SPPL3: variants seen among roughly 807,000 people sequenced by gnomAD.
SPPL3 encodes signal peptide peptidase like 3.
In SPPL3, 5 loss-of-function variants were observed where a neutral mutation model predicts 42.4. The ratio of observed to expected loss-of-function variants is 0.12; its 90% confidence interval spans 0.06 to 0.25. The LOEUF (loss-of-function observed/expected upper bound fraction) is 0.25, where lower values mean the gene tolerates loss of function less well. Ranked by LOEUF, SPPL3 falls within the 10% of genes least tolerant of loss-of-function variation. The pLI is 1.00. For missense variants in SPPL3, 235 were observed against 489.0 expected (o/e 0.48, Z 4.90); for synonymous variants, 195 against 181.8 (o/e 1.07, Z -0.58).
In SPPL3 at chr12:120,763,789, G is replaced by GGATT. The variant is rs1868759514; in HGVS notation, c.*1206_*1209dup. ...GACTATAATCACAACAGCAAGGACA[G>GGATT]GATTGTGTTGCTTTTTTCCTTTTTT... On this transcript the variant is annotated 3_prime_UTR_variant, in exon 11 of 11. Transcript: ENST00000353487. The GGATT allele has an allele frequency of 7.0e-6, 1 of 142,530 alleles. No individual in the cohort carries two copies. Among genetic ancestry groups the GGATT allele is most frequent in the Non-Finnish European group, 1.5e-5 (1 of 67,082 alleles). 8.8% of individuals were successfully genotyped at this position (142,530 alleles called of 1,614,324 possible).
intron 1 of SPPL3, among the ~76,000 whole-genome samples, chr12:120,890,495 A>G (rs1873600435): frequency 6.6e-6 from 1 of 150,534 alleles, no homozygotes; most frequent in African/African-American, 2.4e-5. Context: ...AGGCTGAGGC[A>G]GGAGAATCGC....
intron 1 of SPPL3, among the ~76,000 whole-genome samples, chr12:120,870,906 T>C (rs553803469): frequency 8.6e-5 from 13 of 151,868 alleles, no homozygotes; most frequent in Non-Finnish European, 1.6e-4. Flanking sequence ...GGCGGGCAGA[T>C]TGCCTCAGCT....
Position 120,784,606 on chromosome 12 carries a change from AACAG to A in SPPL3, c.191-17_191-14del, listed in dbSNP as rs775059711. ...ATTGTTTGGATGCCTGAAAGAGAAA[AACAG>A]ACAGATTAATAACTTATTATGCACC... is the stretch of plus-strand genomic sequence containing the variant. On this transcript the variant is annotated splice_polypyrimidine_tract_variant and intron_variant, in intron 3 of 10. Transcript: ENST00000353487. 1.1e-4 allele frequency: 173 copies of A among 1,598,622 alleles called. 1 individual carries two copies. In the African/African-American group the frequency reaches 1.2e-3, roughly 12 times the overall value.
In SPPL3 at chr12:120,809,800, T is replaced by C. The variant is rs532526418; in HGVS notation, c.101+1009A>G. On this transcript the variant is annotated intron_variant, in intron 2 of 10. Transcript: ENST00000353487. ...ATGCTACAAGGCACAACCCTATTAATAGTAAGATGAACCATATGAAATTGT... is the reference window on the plus strand; with the variant it reads ...ATGCTACAAGGCACAACCCTATTAACAGTAAGATGAACCATATGAAATTGT... Among the ~76,000 whole-genome samples, 23 of 152,248 alleles carry C rather than the reference T, an allele frequency of 1.5e-4. No homozygotes were observed. In the South Asian group the frequency reaches 3.1e-3, roughly 21 times the overall value.
Position 120,810,789 on chromosome 12 carries a change from C to A in SPPL3, c.101+20G>T. 6.3e-7 allele frequency: 1 copy of A among 1,579,126 alleles called. No homozygotes were observed. Among genetic ancestry groups the A allele is most frequent in the Non-Finnish European group, 8.7e-7 (1 of 1,150,912 alleles). ...TCTTCCACCTCCAACTTGTATCAAC[C>A]CCATTTGAGAATATCTTACCTGAAA... is the stretch of plus-strand genomic sequence containing the variant. On this transcript the variant is annotated intron_variant, in intron 2 of 10. Coordinates refer to ENST00000353487, the MANE Select transcript of SPPL3 (RefSeq NM_139015.5).
intron 1 of SPPL3, among the ~76,000 whole-genome samples, chr12:120,814,232 AAT>A (rs1386952616): frequency 1.3e-5 from 2 of 152,194 alleles, no homozygotes; most frequent in African/African-American, 4.8e-5. Flanking sequence ...TGAATACAAG[AAT>A]ATATGTTTTG....
chr12:120,834,862 T>C (rs1297814307), intron 1 of SPPL3, among the ~76,000 whole-genome samples: 1 of 152,202 alleles, frequency 6.6e-6, no homozygotes, highest in Admixed American at 6.5e-5. Flanking sequence ...AATCATCACA[T>C]GGAATCTGAT....
chr12:120,862,667 C>T (rs1872645652), intron 1 of SPPL3, among the ~76,000 whole-genome samples: 1 of 152,144 alleles, frequency 6.6e-6, no homozygotes, highest in Admixed American at 6.5e-5. Context: ...GGTGCACTGT[C>T]CTCCCAGCAC....
rs1420087933 is a variant in SPPL3, at chr12:120,852,944, G to T, written c.24-42058C>A. 2.1e-5 allele frequency among the ~76,000 whole-genome samples: 3 copies of T among 142,756 alleles called. No individual in the cohort carries two copies. The East Asian group carries it at 6.1e-4, about 29-fold the overall frequency. 93.7% of individuals were successfully genotyped at this position (142,756 alleles called of 152,430 possible). A position where few individuals can be genotyped will look rare whatever the true frequency, so the allele number is the denominator to read the frequency against. On this transcript the variant is annotated intron_variant, in intron 1 of 10. Transcript: ENST00000353487. ...ATTTTCACTCTTGTCGCCCAGGCTG[G>T]AGTGCAGTGGTGCATTCTCGGCTTA...
intron 6 of SPPL3, among the ~76,000 whole-genome samples, chr12:120,781,568 T>G (rs79828466): frequency 0.049 from 4,205 of 85,790 alleles, 130 homozygotes; most frequent in African/African-American, 0.13. Flanking sequence ...TTTTTTTTTT[T>G]TTTTTTTTTT....
At chr12:120,810,729 G>A in intron 2 of SPPL3, 80 bp downstream of exon 2, 1 of 1,106,118 alleles carries the variant, frequency 9.0e-7, no homozygotes, top group Non-Finnish European at 1.4e-6. Flanking sequence ...CACAGAGTAA[G>A]TTTTGGTACC....
intron 1 of SPPL3, among the ~76,000 whole-genome samples, chr12:120,895,390 G>A (rs1173492668): frequency 1.3e-5 from 2 of 150,298 alleles, no homozygotes; most frequent in African/African-American, 2.4e-5. Context: ...TCGCGCCACT[G>A]TACTCCAGCC....
At position 120,902,393 on chromosome 12, in the gene SPPL3, C is replaced by T. The variant is rs370175603; in HGVS notation, c.23+1452G>A. Among the ~76,000 whole-genome samples, 47 of 152,288 alleles carry T rather than the reference C, an allele frequency of 3.1e-4. No individual in the cohort carries two copies. In the South Asian group the frequency reaches 9.3e-3, roughly 30 times the overall value. On this transcript the variant is annotated intron_variant, in intron 1 of 10. Coordinates refer to ENST00000353487, the MANE Select transcript of SPPL3 (RefSeq NM_139015.5). ...AAATAATCCACTCAAAGTCTTCTACCTAAAACCATTCCTTATTTTCTGATA... is the reference window on the plus strand; with the variant it reads ...AAATAATCCACTCAAAGTCTTCTACTTAAAACCATTCCTTATTTTCTGATA...
intron 1 of SPPL3, among the ~76,000 whole-genome samples, chr12:120,836,160 C>T (rs979448842): frequency 2.0e-5 from 3 of 152,028 alleles, no homozygotes; most frequent in African/African-American, 2.4e-5. Context: ...CATATATCTG[C>T]TACTCTTCCC....
At chr12:120,807,519 C>G (rs551491867) in intron 2 of SPPL3, among the ~76,000 whole-genome samples, 1 of 151,780 alleles carries the variant, frequency 6.6e-6, no homozygotes, top group East Asian at 1.9e-4. Context: ...ACTAAAAATA[C>G]AAAAATCAGC....
chr12:120,842,566 C>T (rs962972938), intron 1 of SPPL3, among the ~76,000 whole-genome samples: 1 of 152,032 alleles, frequency 6.6e-6, no homozygotes, highest in African/African-American at 2.4e-5. Flanking sequence ...GCTCTAGAGA[C>T]AGGGAAGTCC....
At chr12:120,770,393 C>G (rs1005370977) in intron 6 of SPPL3, among the ~76,000 whole-genome samples, 1 of 152,126 alleles carries the variant, frequency 6.6e-6, no homozygotes, top group Admixed American at 6.5e-5. Context: ...TTCTCTATTG[C>G]AGTGGTTGGC....
intron 1 of SPPL3, among the ~76,000 whole-genome samples, chr12:120,901,454 G>T (rs1020134600): frequency 1.3e-5 from 2 of 151,962 alleles, no homozygotes; most frequent in African/African-American, 4.8e-5. Flanking sequence ...AGCCGGGCAT[G>T]GTGGCATGTG....
intron 1 of SPPL3, among the ~76,000 whole-genome samples, chr12:120,872,486 C>T (rs898319629): frequency 6.6e-6 from 1 of 152,184 alleles, no homozygotes; most frequent in Non-Finnish European, 1.5e-5. Flanking sequence ...AACACTGAAA[C>T]CAAATCCAAG....
Sources: allele counts gnomAD v4.1 joint callset (sites outside exome capture counted in the v4.1 genomes callset), GRCh38; gene constraint gnomAD v4.1.1; transcripts MANE v1.5; gene names NCBI Gene and HGNC (gene_info 2026-07-23, HGNC 2026-07-21).